STT3A: variants seen among roughly 807,000 people sequenced by gnomAD.
The protein encoded by STT3A is STT3 oligosaccharyltransferase complex catalytic subunit A.
In STT3A, 34 loss-of-function variants were observed where a neutral mutation model predicts 89.2. The observed-to-expected ratio is 0.38, with a 90% CI of 0.29 to 0.51. The LOEUF (loss-of-function observed/expected upper bound fraction) is 0.51. Ranked by LOEUF, STT3A falls within the 20% of genes least tolerant of loss-of-function variation. STT3A has a pLI of 0.89. For synonymous variants in STT3A, 282 were observed against 310.3 expected (o/e 0.91, Z 0.96); for missense variants, 555 against 889.5 (o/e 0.62, Z 4.78).
chr11:125,591,988 CGA>C (rs751444432), upstream of STT3A: 1 of 160,472 alleles, frequency 6.2e-6, no homozygotes, highest in Non-Finnish European at 1.4e-5. Context: ...GCGTGGGGTG[CGA>C]GAGAAGAGAG....
chr11:125,602,992 T>G (rs1295148444), intron 5 of STT3A, 44 bp downstream of exon 5: 1 of 1,610,450 alleles, frequency 6.2e-7, no homozygotes, highest in South Asian at 1.1e-5. Context: ...TGAATGTTAT[T>G]GAGCCTCTCT....
intron 16 of STT3A, among the ~76,000 whole-genome samples, chr11:125,619,554 G>C (rs908071791): frequency 2.0e-5 from 3 of 152,140 alleles, no homozygotes; most frequent in Non-Finnish European, 4.4e-5. Context: ...GTGACTTTTC[G>C]TATCTTCTGA....
chr11:125,619,963 G>A, intron 16 of STT3A, 48 bp from the exon 17 acceptor site: 3 of 1,494,002 alleles, frequency 2.0e-6, no homozygotes, highest in Middle Eastern at 1.7e-4. Flanking sequence ...GTCTCTCTAG[G>A]AAATTAGCAC....
intron 1 of STT3A, chr11:125,594,920 G>A (rs1179536188): frequency 1.3e-5 from 2 of 152,112 alleles, no homozygotes; most frequent in South Asian, 2.1e-4. Context: ...CTGAGCAGTC[G>A]TTACAGTCTG....
chr11:125,601,494 G>A (rs1252991981), intron 3 of STT3A, among the ~76,000 whole-genome samples: 2 of 151,954 alleles, frequency 1.3e-5, no homozygotes, highest in African/African-American at 2.4e-5. Context: ...TGTGGCGAGC[G>A]CCTGTAATCC....
intron 6 of STT3A, among the ~76,000 whole-genome samples, chr11:125,604,620 T>C (rs1005251154): frequency 6.6e-6 from 1 of 152,232 alleles, no homozygotes; most frequent in Non-Finnish European, 1.5e-5. Flanking sequence ...AACATAGTAT[T>C]AAGTGTTAGG....
chr11:125,620,870 A>ATTTTTTTTTTTTTTTTTTTTTTT lies in STT3A; in HGVS notation c.*81_*82insTTTTTTTTTTTTTTTTTTTTTTT, dbSNP rs569634802. 1 of 832,142 alleles carries ATTTTTTTTTTTTTTTTTTTTTTT rather than the reference A, an allele frequency of 1.2e-6. No homozygotes were observed. Among genetic ancestry groups the ATTTTTTTTTTTTTTTTTTTTTTT allele is most frequent in the Non-Finnish European group, 1.7e-6 (1 of 590,518 alleles). The allele number at this position is 832,142 out of a possible 1,614,324, so 51.5% of individuals were successfully genotyped here. ...GCACATCACATTTAGGACGTTGAAG[A>ATTTTTTTTTTTTTTTTTTTTTTT]TTTTTTTTTTTTTTTTTTTTTAATA... is the stretch of plus-strand genomic sequence containing the variant. On this transcript the variant is annotated 3_prime_UTR_variant, in exon 18 of 18. Transcript: ENST00000392708.
intron 6 of STT3A, among the ~76,000 whole-genome samples, chr11:125,604,781 A>G (rs1201604622): frequency 6.6e-6 from 1 of 152,246 alleles, no homozygotes; most frequent in Non-Finnish European, 1.5e-5. Context: ...GTGCCATGAT[A>G]AAAATTTGAA....
At chr11:125,592,724 A>T, upstream of STT3A, 1 of 296,486 alleles carries the variant, frequency 3.4e-6, no homozygotes, top group Non-Finnish European at 6.8e-6. Context: ...AAAAACTTGA[A>T]TCGCGGCCCG....
At chr11:125,594,752 C>T (rs1170289278) in intron 1 of STT3A, 1 of 151,714 alleles carries the variant, frequency 6.6e-6, no homozygotes, top group Admixed American at 6.6e-5. Context: ...TTTTTTAATC[C>T]CCCGACTCTT....
At chr11:125,592,272 C>T, upstream of STT3A, 1 of 385,008 alleles carries the variant, frequency 2.6e-6, no homozygotes, top group South Asian at 1.9e-5. Context: ...TACCAAGGCA[C>T]AGTAAAAGCT....
In STT3A at chr11:125,606,377, G is replaced by A. The variant is rs776713094; in HGVS notation, c.692G>A (p.Arg231His). The A allele has an allele frequency of 7.4e-6, 12 of 1,614,016 alleles. No homozygotes were observed. The highest frequency in any genetic ancestry group is 9.3e-6 in the Non-Finnish European group (11 of 1,180,036). Residue 231 changes from arginine to histidine, a missense_variant, in exon 8 of 18, where the codon CGT (arginine) becomes CAT (histidine). Physicochemically the swap from Arg to His is conservative, Grantham distance 29. This residue lies in a region of STT3A where 149 missense variants were observed against 206.2 expected (regional missense o/e 0.72). Coordinates refer to ENST00000392708, the MANE Select transcript of STT3A (RefSeq NM_152713.5). ...LHVLVLMLTG[R>H]FSHRIYVAYC... The stretch of plus-strand genomic sequence containing the variant: ...GTCCTCGTGCTGATGCTCACAGGCC[G>A]TTTCTCTCACCGGATCTATGTGGCC...
chr11:125,607,964 C>A, intron 8 of STT3A, 145 bp from the exon 9 acceptor site: 1 of 730,664 alleles, frequency 1.4e-6, no homozygotes, highest in South Asian at 2.7e-5. Context: ...TGAATTAAAC[C>A]CTTCCCTAGA....
intron 7 of STT3A, 70 bp from the exon 8 acceptor site, chr11:125,606,231 T>G: frequency 7.2e-7 from 1 of 1,387,118 alleles, no homozygotes; most frequent in Non-Finnish European, 9.9e-7. Flanking sequence ...ACAGGTGATA[T>G]CCTACAATAT....
intron 1 of STT3A, chr11:125,594,833 A>G (rs1939440992): frequency 6.6e-6 from 1 of 152,138 alleles, no homozygotes; most frequent in Admixed American, 6.5e-5. Context: ...CTGTCTGTGT[A>G]ATTTAATCAG....
intron 8 of STT3A, among the ~76,000 whole-genome samples, chr11:125,607,374 G>A (rs1162277870): frequency 2.0e-5 from 3 of 152,214 alleles, no homozygotes; most frequent in Non-Finnish European, 4.4e-5. Flanking sequence ...ATTTGTATAT[G>A]CAGTTTGCTA....
intron 10 of STT3A, 39 bp from the exon 11 acceptor site, chr11:125,611,389 C>T (rs777959107): frequency 4.5e-6 from 7 of 1,545,824 alleles, no homozygotes; most frequent in African/African-American, 1.4e-5. Context: ...TTTCAACCTA[C>T]AGGACTCAGC....
In STT3A at chr11:125,597,094, GA is replaced by G; in HGVS notation, c.127del (p.Ser43ValfsTer50). On this transcript the variant is annotated frameshift_variant, in exon 3 of 18. Transcript: ENST00000392708. LOFTEE classifies it high-confidence loss of function. ...STRLFAVLRF[E>X]SVIHEFDPYF... ...TCGTCTGTTTGCTGTCCTGAGATTT[GA>G]AAGTGTTATCCATGAGTTTGATCCG... 6.2e-7 allele frequency: 1 copy of G among 1,614,046 alleles called. No homozygotes were observed. Among genetic ancestry groups the G allele is most frequent in the Non-Finnish European group, 8.5e-7 (1 of 1,180,012 alleles).
At chr11:125,597,734 T>G (rs1939538022) in intron 3 of STT3A, among the ~76,000 whole-genome samples, 1 of 152,212 alleles carries the variant, frequency 6.6e-6, no homozygotes, top group East Asian at 1.9e-4. Context: ...ATGAAAAAAC[T>G]CAAAGTTATC....
Sources: allele counts gnomAD v4.1 joint callset (sites outside exome capture counted in the v4.1 genomes callset), GRCh38; gene constraint gnomAD v4.1.1; regional missense constraint gnomAD v4.1.1; transcripts MANE v1.5; gene names NCBI Gene and HGNC (gene_info 2026-07-23, HGNC 2026-07-21).